The following TTC7A variants were observed in gnomAD, a reference collection of about 807,000 sequenced individuals.
The protein encoded by TTC7A is tetratricopeptide repeat domain 7A.
TTC7A carries 110 observed loss-of-function variants against 103.7 expected under a neutral mutation model. The observed-to-expected ratio is 1.06, with a 90% CI of 0.91 to 1.24. The LOEUF (loss-of-function observed/expected upper bound fraction) is 1.24. TTC7A is among the 50% of genes most tolerant of loss of function. TTC7A has a pLI of 0.00. For missense variants in TTC7A, 1,340 were observed against 1,116.3 expected (o/e 1.20, Z -2.86); for synonymous variants, 521 against 467.9 (o/e 1.11, Z -1.47).
chr2:46,997,003 G>A (rs909830243), intron 8 of TTC7A, among the ~76,000 whole-genome samples: 1 of 151,958 alleles, frequency 6.6e-6, no homozygotes, highest in Admixed American at 6.6e-5. Flanking sequence ...TTTTGAGACA[G>A]AGTCTCCCTT....
intron 14 of TTC7A, among the ~76,000 whole-genome samples, chr2:47,025,275 G>A (rs1474115669): frequency 2.0e-5 from 3 of 152,354 alleles, no homozygotes; most frequent in East Asian, 1.9e-4. Flanking sequence ...CTTCTGAGGA[G>A]CGGGCCACAG....
chr2:47,023,312 T>A, intron 12 of TTC7A, 96 bp from the exon 13 acceptor site: 2 of 1,346,936 alleles, frequency 1.5e-6, no homozygotes, highest in Non-Finnish European at 2.1e-6. Flanking sequence ...GGTGGGGCCT[T>A]TATCTGCAGA....
chr2:47,043,007 A>T (rs1486895128), intron 15 of TTC7A, among the ~76,000 whole-genome samples: 1 of 152,056 alleles, frequency 6.6e-6, no homozygotes, highest in Middle Eastern at 3.2e-3. Context: ...CACAGCTTCG[A>T]TTCCCCCTGG....
intron 3 of TTC7A, chr2:46,974,747 G>A: frequency 1.6e-6 from 1 of 619,220 alleles, no homozygotes; most frequent in African/African-American, 1.8e-5. Flanking sequence ...AGTTGGGCTG[G>A]GGTGATGCAC....
chr2:46,933,351 T>C (rs73926966), intron 2 of TTC7A, among the ~76,000 whole-genome samples: 8,403 of 152,208 alleles, frequency 0.055, 374 homozygotes, highest in African/African-American at 0.11. Flanking sequence ...TGTGGGAAAA[T>C]CTTCAACATT....
chr2:47,071,779 T>A (rs1684747409), intron 19 of TTC7A, among the ~76,000 whole-genome samples: 1 of 152,176 alleles, frequency 6.6e-6, no homozygotes, highest in Non-Finnish European at 1.5e-5. Context: ...TCTGGCCCCT[T>A]CCCAAACACC....
At chr2:47,032,715 A>G (rs116658437) in intron 15 of TTC7A, among the ~76,000 whole-genome samples, 1,826 of 151,634 alleles carry the variant, frequency 0.012, 13 homozygotes, top group Non-Finnish European at 0.018. Flanking sequence ...ATCTTGAGCC[A>G]CCATGAGCTC....
At position 46,961,502 on chromosome 2, in the gene TTC7A, G is replaced by T. The variant is rs1023786602; in HGVS notation, c.517+4495G>T. 5.3e-5 allele frequency among the ~76,000 whole-genome samples: 8 copies of T among 151,768 alleles called. No homozygotes were observed. In the South Asian group the frequency reaches 6.2e-4, roughly 12 times the overall value. On this transcript the variant is annotated intron_variant, in intron 3 of 19. Transcript: ENST00000319190. ...TGAGGCAGGAGAATGGCATGAACCC[G>T]GGAGGCGGAGCTTGCAGTGAGCCGA... is the stretch of plus-strand genomic sequence containing the variant.
intron 10 of TTC7A, among the ~76,000 whole-genome samples, chr2:47,008,885 G>C (rs1677713353): frequency 6.7e-6 from 1 of 150,316 alleles, no homozygotes; most frequent in Non-Finnish European, 1.5e-5. Context: ...TGGCTGTGTT[G>C]CTAGGTAACC....
chr2:46,981,631 C>T (rs538268809), intron 5 of TTC7A, among the ~76,000 whole-genome samples: 2 of 152,338 alleles, frequency 1.3e-5, no homozygotes, highest in African/African-American at 4.8e-5. Context: ...CATGAATCTC[C>T]AGGAGGCGGC....
intron 11 of TTC7A, among the ~76,000 whole-genome samples, chr2:47,014,232 C>A (rs1170390288): frequency 6.6e-6 from 1 of 152,144 alleles, no homozygotes; most frequent in Non-Finnish European, 1.5e-5. Flanking sequence ...CCCTCTCCCC[C>A]ACAGGAAGCC....
Position 46,975,030 on chromosome 2 carries a change from G to T in TTC7A, c.575G>T (p.Arg192Met). 1 of 1,614,088 alleles carries T rather than the reference G, an allele frequency of 6.2e-7. No homozygotes were observed. Among genetic ancestry groups the T allele is most frequent in the Non-Finnish European group, 8.5e-7 (1 of 1,179,978 alleles). The part of the protein sequence containing the change: ...SIASRFRLTE[R>M]EEEVITCFER... ...GCCTCCCGCTTCCGCCTGACAGAGA[G>T]GGAGGAGGAAGTGATCACCTGTTTT... Residue 192 changes from arginine (R) to methionine (M), a missense_variant, in exon 4 of 20, where the codon AGG becomes ATG. Arg to Met is a moderately conservative substitution (Grantham distance 91). Coordinates refer to ENST00000319190, the MANE Select transcript of TTC7A (RefSeq NM_020458.4).
chr2:47,053,648 T>G (rs1349289590), intron 18 of TTC7A, among the ~76,000 whole-genome samples: 2 of 152,144 alleles, frequency 1.3e-5, no homozygotes, highest in Non-Finnish European at 2.9e-5. Flanking sequence ...CTCAGCTCAC[T>G]GCAACCTCCA....
At chr2:47,067,375 T>C (rs540996116) in intron 19 of TTC7A, among the ~76,000 whole-genome samples, 1 of 152,384 alleles carries the variant, frequency 6.6e-6, no homozygotes, top group Non-Finnish European at 1.5e-5. Context: ...GGCCTGAGCC[T>C]GAGCCCCACC....
chr2:47,009,265 C>G (rs375900591), intron 10 of TTC7A, among the ~76,000 whole-genome samples: 80 of 152,272 alleles, frequency 5.3e-4, no homozygotes, highest in African/African-American at 1.7e-3. Context: ...AGCTGGTCAC[C>G]TGCTAACACC....
chr2:46,950,319 C>G, intron 1 of TTC7A, 44 bp from the exon 2 acceptor site: 1 of 1,609,140 alleles, frequency 6.2e-7, no homozygotes, highest in Non-Finnish European at 8.5e-7. Context: ...CCATTATCCG[C>G]CTTGTTCGGG....
chr2:46,967,807 A>G (rs530682298), intron 3 of TTC7A, among the ~76,000 whole-genome samples: 2 of 152,020 alleles, frequency 1.3e-5, no homozygotes, highest in South Asian at 2.1e-4. Flanking sequence ...ATATGGTAAT[A>G]TCTATTTTTA....
chr2:47,044,378 A>T (rs1226674018), intron 15 of TTC7A, among the ~76,000 whole-genome samples: 1 of 152,110 alleles, frequency 6.6e-6, no homozygotes. Context: ...GGCCCCTGAT[A>T]CTTATGGAGT....
intron 16 of TTC7A, chr2:47,047,152 G>C (rs1025015031): frequency 7.6e-6 from 5 of 658,630 alleles, no homozygotes; most frequent in African/African-American, 7.3e-5. Flanking sequence ...GCCTCCTTCA[G>C]GTCAGGAGCC....
Sources: gnomAD v4.1 joint callset for allele counts (sites outside exome capture counted in the v4.1 genomes callset) on GRCh38, gnomAD v4.1.1 for gene constraint, MANE v1.5 for transcripts, NCBI Gene and HGNC (gene_info 2026-07-23, HGNC 2026-07-21) for gene names.